AK5: variants seen among roughly 807,000 people sequenced by gnomAD.
AK5 encodes adenylate kinase 5.
A neutral mutation model predicts 69.5 loss-of-function variants in AK5; 27 were observed. The observed-to-expected ratio is 0.39, with a 90% CI of 0.29 to 0.54. The LOEUF (loss-of-function observed/expected upper bound fraction) is 0.54. Among genes scored for constraint, AK5 ranks in the 20% least tolerant of loss-of-function variants. The pLI is 0.71. For synonymous variants in AK5, 260 were observed against 244.4 expected (o/e 1.06, Z -0.60); for missense variants, 531 against 700.4 (o/e 0.76, Z 2.73).
rs752481198 is a variant in AK5 at position 77,406,704 on chromosome 1, G to GAAAA, written c.892-4277_892-4276insAAAA. Among the ~76,000 whole-genome samples the GAAAA allele has an allele frequency of 3.0e-3, 448 of 147,626 alleles. 4 individuals are homozygous for GAAAA. The highest frequency in any genetic ancestry group is 0.011 in the African/African-American group (417 of 39,362). On this transcript the variant is annotated intron_variant, in intron 6 of 13. Coordinates refer to ENST00000354567, the MANE Select transcript of AK5 (RefSeq NM_174858.3). ...ACATGAGGAAATTGCCTGATGCTGA[G>GAAAA]GAAAAAAAAAAAACATACAAAAGGA... is the stretch of plus-strand genomic sequence containing the variant.
At chr1:77,402,817 G>A (rs1649326811) in intron 6 of AK5, among the ~76,000 whole-genome samples, 1 of 152,108 alleles carries the variant, frequency 6.6e-6, no homozygotes, top group Non-Finnish European at 1.5e-5. Flanking sequence ...ACCCAGTAAT[G>A]GGATGGCTGG....
intron 12 of AK5, among the ~76,000 whole-genome samples, chr1:77,535,601 C>G (rs1034661688): frequency 2.0e-5 from 3 of 152,116 alleles, no homozygotes; most frequent in African/African-American, 7.2e-5. Context: ...GTGGCATATA[C>G]TCGTCTGCAT....
intron 9 of AK5, among the ~76,000 whole-genome samples, chr1:77,485,630 A>G (rs1279826437): frequency 1.3e-5 from 2 of 152,250 alleles, no homozygotes; most frequent in African/African-American, 2.4e-5. Flanking sequence ...TGTTTTAACC[A>G]TCTGTATATA....
rs78252649 is a variant in AK5, at chr1:77,400,398, C to T, written c.892-10583C>T. ...TGTTTTATAATGTTATTGTAGGAAT[C>T]GAATAAATCCATATAAAATCCAAGT... On this transcript the variant is annotated intron_variant, in intron 6 of 13. Coordinates refer to ENST00000354567, the MANE Select transcript of AK5 (RefSeq NM_174858.3). 3.4e-4 allele frequency among the ~76,000 whole-genome samples: 52 copies of T among 151,808 alleles called. 2 individuals carry two copies. In the East Asian group the frequency reaches 9.1e-3, roughly 27 times the overall value.
intron 6 of AK5, among the ~76,000 whole-genome samples, chr1:77,342,177 CTGT>C (rs1661690011): frequency 1.3e-5 from 2 of 152,126 alleles, no homozygotes; most frequent in South Asian, 4.1e-4. Context: ...GGATTACAGG[CTGT>C]TGTTTGTTTT....
At chr1:77,532,882 G>C (rs1230317112) in intron 12 of AK5, among the ~76,000 whole-genome samples, 1 of 152,198 alleles carries the variant, frequency 6.6e-6, no homozygotes, top group Non-Finnish European at 1.5e-5. Flanking sequence ...CTGCTTACTT[G>C]ATGTTGAAGA....
chr1:77,537,258 A>G (rs1659022247), intron 13 of AK5, among the ~76,000 whole-genome samples: 1 of 152,096 alleles, frequency 6.6e-6, no homozygotes, highest in Non-Finnish European at 1.5e-5. Flanking sequence ...AGAAGCCCCA[A>G]GTGGAGAAGG....
chr1:77,470,792 A>G (rs887679253), intron 8 of AK5, among the ~76,000 whole-genome samples: 10 of 138,462 alleles, frequency 7.2e-5, no homozygotes, highest in African/African-American at 2.7e-4. Flanking sequence ...TGTCTTCATG[A>G]TTTTGAATTT....
chr1:77,479,227 G>A (rs1171185452), intron 8 of AK5, among the ~76,000 whole-genome samples: 3 of 110,844 alleles, frequency 2.7e-5, no homozygotes, highest in African/African-American at 7.1e-5. Flanking sequence ...TTTTTGAGGC[G>A]GAATTTCGCT....
chr1:77,496,911 C>T (rs1656349216), intron 10 of AK5, among the ~76,000 whole-genome samples: 1 of 152,122 alleles, frequency 6.6e-6, no homozygotes, highest in Non-Finnish European at 1.5e-5. Context: ...GTAAAATGGA[C>T]CAATCGGCAC....
chr1:77,551,339 G>A (rs959557844), intron 13 of AK5, among the ~76,000 whole-genome samples: 3 of 152,050 alleles, frequency 2.0e-5, no homozygotes, highest in Admixed American at 2.0e-4. Flanking sequence ...ACTTCACAGA[G>A]TTTTCTAGTC....
intron 3 of AK5, among the ~76,000 whole-genome samples, chr1:77,295,630 C>T (rs1198524695): frequency 6.6e-6 from 1 of 151,878 alleles, no homozygotes; most frequent in African/African-American, 2.4e-5. Context: ...GGAAGTATCT[C>T]ATCATTTTAT....
At chr1:77,494,929 C>A (rs1656221623) in intron 10 of AK5, among the ~76,000 whole-genome samples, 1 of 151,856 alleles carries the variant, frequency 6.6e-6, no homozygotes, top group Non-Finnish European at 1.5e-5. Context: ...CTACAGGTGC[C>A]CGTCACCACG....
chr1:77,461,033 ATTT>A (rs76222124), intron 8 of AK5, among the ~76,000 whole-genome samples: 2 of 135,218 alleles, frequency 1.5e-5, no homozygotes, highest in Admixed American at 7.5e-5. Flanking sequence ...TGTATGTGAA[ATTT>A]TTTTTTTTTT....
chr1:77,486,102 G>T (rs1655569201), intron 9 of AK5, among the ~76,000 whole-genome samples: 1 of 151,958 alleles, frequency 6.6e-6, no homozygotes, highest in Non-Finnish European at 1.5e-5. Flanking sequence ...GCAACAGGGT[G>T]AGACCATCTC....
intron 12 of AK5, among the ~76,000 whole-genome samples, chr1:77,524,494 T>A (rs1658167609): frequency 6.6e-6 from 1 of 152,176 alleles, no homozygotes; most frequent in Admixed American, 6.5e-5. Context: ...GCCATCCTAA[T>A]GGGTGTGAGG....
rs147536518 is a variant in AK5, at chr1:77,338,827, C to T, written c.700-1550C>T. Among the ~76,000 whole-genome samples the T allele has an allele frequency of 2.4e-3, 372 of 152,302 alleles. 3 individuals are homozygous for T. Among genetic ancestry groups the T allele is most frequent in the African/African-American group, 8.4e-3 (350 of 41,558 alleles). ...TATTGAGCACCTGCCATGAAACATA[C>T]ATGCTATGTATTTTATATTATTTAA... is the stretch of plus-strand genomic sequence containing the variant. On this transcript the variant is annotated intron_variant, in intron 5 of 13. Coordinates refer to ENST00000354567, the MANE Select transcript of AK5 (RefSeq NM_174858.3).
intron 8 of AK5, among the ~76,000 whole-genome samples, chr1:77,472,970 C>T (rs765053867): frequency 5.4e-5 from 8 of 149,336 alleles, no homozygotes; most frequent in East Asian, 1.9e-4. Context: ...CTTGTGATTG[C>T]GTTGAGCCCG....
chr1:77,499,869 C>CTTTTTTTTTTTTTTTTTTTT lies in AK5; in HGVS notation c.1147+13517_1147+13518insTTTTTTTTTTTTTTTTTTTT, dbSNP rs749712310. ...GATGACAGAGACCATGCCCTTTTTC[C>CTTTTTTTTTTTTTTTTTTTT]ATTTTTTTTTTTTTTTTTTTTTTTT... On this transcript the variant is annotated intron_variant, in intron 10 of 13. Transcript: ENST00000354567. 2.5e-5 allele frequency among the ~76,000 whole-genome samples: 2 copies of CTTTTTTTTTTTTTTTTTTTT among 78,768 alleles called. 1 individual carries two copies. The highest frequency in any genetic ancestry group is 4.8e-5 in the Non-Finnish European group (2 of 42,048). The allele number at this position is 78,768 out of a possible 152,430, so 51.7% of individuals were successfully genotyped here. A position where few individuals can be genotyped will look rare whatever the true frequency, so the allele number is the denominator to read the frequency against.
Sources: gnomAD v4.1 joint callset for allele counts (sites outside exome capture counted in the v4.1 genomes callset) on GRCh38, gnomAD v4.1.1 for gene constraint, MANE v1.5 for transcripts, NCBI Gene and HGNC (gene_info 2026-07-23, HGNC 2026-07-21) for gene names.